FAM169A: variants seen among roughly 807,000 people sequenced by gnomAD.
FAM169A encodes the protein family with sequence similarity 169 member A, also known as soluble lamin-associated protein of 75 kDa.
A neutral mutation model predicts 75.7 loss-of-function variants in FAM169A; 24 were observed. The ratio of observed to expected loss-of-function variants is 0.32; its 90% CI spans 0.23 to 0.45. The LOEUF (loss-of-function observed/expected upper bound fraction) is 0.45. FAM169A is among the 20% of genes least tolerant of loss of function. FAM169A has a pLI of 1.00. For missense variants in FAM169A, 673 were observed against 784.0 expected (o/e 0.86, Z 1.69); for synonymous variants, 271 against 271.0 (o/e 1.00, Z 0.00).
At chr5:74,819,201 A>G (rs1223526842) in intron 5 of FAM169A, among the ~76,000 whole-genome samples, 1 of 151,942 alleles carries the variant, frequency 6.6e-6, no homozygotes, top group Non-Finnish European at 1.5e-5. Flanking sequence ...CCTGGGTGAC[A>G]GAGCAAAACT....
chr5:74,808,551 TAG>T (rs1561300165), intron 6 of FAM169A, among the ~76,000 whole-genome samples: 1 of 152,068 alleles, frequency 6.6e-6, no homozygotes, highest in Admixed American at 6.6e-5. Context: ...GCTTTGGATA[TAG>T]ACAGTGGTGA....
chr5:74,818,359 T>TG (rs1017610417), intron 5 of FAM169A, among the ~76,000 whole-genome samples: 3 of 152,054 alleles, frequency 2.0e-5, no homozygotes, highest in African/African-American at 7.2e-5. Flanking sequence ...CAAGGGACTG[T>TG]GGGGTAAAGG....
chr5:74,839,381 T>C (rs529521902), intron 3 of FAM169A, among the ~76,000 whole-genome samples: 1 of 152,008 alleles, frequency 6.6e-6, no homozygotes, highest in Non-Finnish European at 1.5e-5. Flanking sequence ...TTCATAATGT[T>C]TGACTGTTCC....
intron 1 of FAM169A, among the ~76,000 whole-genome samples, chr5:74,847,779 C>A (rs1472888928): frequency 1.3e-5 from 2 of 152,130 alleles, no homozygotes; most frequent in Non-Finnish European, 2.9e-5. Context: ...ATTCTTCATT[C>A]TCTTTTTCAA....
Position 74,783,127 on chromosome 5 carries a change from T to G in FAM169A, c.1268A>C (p.Glu423Ala). ...TATCTCACCATTCATAGGCTCTAATTCAGATTCCTACACCATGAGGAGAGA... is the reference window on the plus strand; with the variant it reads ...TATCTCACCATTCATAGGCTCTAATGCAGATTCCTACACCATGAGGAGAGA... ...QEKQDGEKESELEPMNGEIMD... is the reference protein window; with the variant it reads ...QEKQDGEKESALEPMNGEIMD... The change falls in exon 12 of 13, where the codon GAA becomes GCA. Residue 423 changes from glutamate to alanine, a missense_variant. Glu to Ala is a moderately radical substitution (Grantham distance 107). Transcript: ENST00000687041. The G allele has an allele frequency of 6.2e-7, 1 of 1,610,674 alleles. No homozygotes were observed. Among genetic ancestry groups the G allele is most frequent in the Non-Finnish European group, 8.5e-7 (1 of 1,177,538 alleles).
At chr5:74,813,320 T>C (rs1361020755) in intron 6 of FAM169A, among the ~76,000 whole-genome samples, 1 of 152,006 alleles carries the variant, frequency 6.6e-6, no homozygotes, top group East Asian at 1.9e-4. Context: ...TATGTTGTTT[T>C]GTTTGGTTTG....
intron 1 of FAM169A, among the ~76,000 whole-genome samples, chr5:74,851,185 C>G (rs960731700): frequency 6.6e-6 from 1 of 152,146 alleles, no homozygotes; most frequent in African/African-American, 2.4e-5. Context: ...AGAGAGAGGG[C>G]CCCAAGGCAG....
chr5:74,844,911 T>A (rs897535541), intron 1 of FAM169A, among the ~76,000 whole-genome samples: 1 of 152,224 alleles, frequency 6.6e-6, no homozygotes, highest in Non-Finnish European at 1.5e-5. Context: ...GAATATCTTG[T>A]TTTAAAAGTT....
chr5:74,781,418 A>G lies in FAM169A; in HGVS notation c.*42T>C. On this transcript the variant is annotated 3_prime_UTR_variant, in exon 13 of 13. Transcript: ENST00000687041. Reference sequence around the variant, plus strand: ...TTACCATATTTTAAAAACAACAACTATGTTACAAAGAAGAGGATTTATCAT... The same window carrying G: ...TTACCATATTTTAAAAACAACAACTGTGTTACAAAGAAGAGGATTTATCAT... The G allele has an allele frequency of 1.3e-6, 2 of 1,559,468 alleles. No homozygotes were observed. Among genetic ancestry groups the G allele is most frequent in the Non-Finnish European group, 1.7e-6 (2 of 1,143,316 alleles).
chr5:74,805,203 C>A lies in FAM169A; in HGVS notation c.752G>T (p.Arg251Leu). ...TTGTAATGCTCTGGTGACTGGTATT[C>A]GCTGGTACCAGTGTCCAACACCTTC... is the stretch of plus-strand genomic sequence containing the variant. ...EVEGVGHWYQRIPVTRALQRE... is the reference protein window; with the variant it reads ...EVEGVGHWYQLIPVTRALQRE... Residue 251 changes from arginine to leucine, a missense_variant, in exon 7 of 13, where the codon CGA (arginine) becomes CTA (leucine). By Grantham distance (102) the Arg-to-Leu change is moderately radical (BLOSUM62 -2). Coordinates refer to ENST00000687041, the MANE Select transcript of FAM169A (RefSeq NM_001376049.1). The A allele has an allele frequency of 6.2e-7, 1 of 1,611,460 alleles. No individual in the cohort carries two copies. The highest frequency in any genetic ancestry group is 8.5e-7 in the Non-Finnish European group (1 of 1,177,608).
intron 11 of FAM169A, among the ~76,000 whole-genome samples, chr5:74,795,108 ATTAGCTGGGT>A (rs1411559805): frequency 6.6e-6 from 1 of 151,994 alleles, no homozygotes; most frequent in Admixed American, 6.5e-5. Context: ...AAATACAAAA[ATTAGCTGGGT>A]ATGGTGGGGG....
chr5:74,830,177 A>C (rs1265373048), intron 5 of FAM169A, among the ~76,000 whole-genome samples: 1 of 152,184 alleles, frequency 6.6e-6, no homozygotes, highest in Non-Finnish European at 1.5e-5. Context: ...TCACACAACA[A>C]CATAAAAAGA....
At chr5:74,839,075 A>G in intron 3 of FAM169A, 25 bp from the exon 4 acceptor site, 1 of 1,549,956 alleles carries the variant, frequency 6.5e-7, no homozygotes, top group Non-Finnish European at 8.9e-7. Flanking sequence ...ATAATCATTA[A>G]CACTTGAGTT....
At chr5:74,839,972 T>TA in intron 3 of FAM169A, 102 bp downstream of exon 3, 2 of 586,982 alleles carry the variant, frequency 3.4e-6, no homozygotes, top group Non-Finnish European at 6.0e-6. Flanking sequence ...TTGAAACACT[T>TA]TAAAAAAAAA....
chr5:74,804,430 A>T, intron 8 of FAM169A, 63 bp downstream of exon 8: 1 of 677,100 alleles, frequency 1.5e-6, no homozygotes, highest in Non-Finnish European at 2.4e-6. Context: ...TATAACCTGT[A>T]TCTATTTTTT....
rs1745283127 is a variant in FAM169A at position 74,779,193 on chromosome 5, A to G, written c.*2267T>C. 1 of 152,174 alleles carries G rather than the reference A, an allele frequency of 6.6e-6. No individual in the cohort carries two copies. The highest frequency in any genetic ancestry group is 1.5e-5 in the Non-Finnish European group (1 of 67,982). 9.4% of individuals were successfully genotyped at this position (152,174 alleles called of 1,614,324 possible). A position where few individuals can be genotyped will look rare whatever the true frequency, so the allele number is the denominator to read the frequency against. Reference sequence around the variant, plus strand: ...AATAAGTTTATACTGTTAGCCCCCAATGGTCATATATGATTAATAAACATT... The same window carrying G: ...AATAAGTTTATACTGTTAGCCCCCAGTGGTCATATATGATTAATAAACATT... On this transcript the variant is annotated 3_prime_UTR_variant, in exon 13 of 13. Coordinates refer to ENST00000687041, the MANE Select transcript of FAM169A (RefSeq NM_001376049.1).
Position 74,857,571 on chromosome 5 carries a change from GGAAAAAA to G in FAM169A, c.-4+8587_-4+8593del, listed in dbSNP as rs1172965211. ...GGTGACAGAGCCAGACCTTGCCGCG[GGAAAAAA>G]AAAAAAAAAAAAAAAAAAAAAAAAA... On this transcript the variant is annotated intron_variant, in intron 1 of 12. Transcript: ENST00000687041. Among the ~76,000 whole-genome samples the G allele has an allele frequency of 1.4e-3, 94 of 65,720 alleles. 1 individual carries two copies. Among genetic ancestry groups the G allele is most frequent in the East Asian group, 5.1e-3 (11 of 2,172 alleles). 43.1% of individuals were successfully genotyped at this position (65,720 alleles called of 152,430 possible).
At chr5:74,856,277 G>T (rs1287633702) in intron 1 of FAM169A, among the ~76,000 whole-genome samples, 1 of 152,028 alleles carries the variant, frequency 6.6e-6, no homozygotes, top group African/African-American at 2.4e-5. Flanking sequence ...GTCTTTTGTG[G>T]TTCCATATAC....
At chr5:74,789,682 G>A (rs182437530) in intron 11 of FAM169A, among the ~76,000 whole-genome samples, 1 of 152,332 alleles carries the variant, frequency 6.6e-6, no homozygotes, top group Non-Finnish European at 1.5e-5. Context: ...GCCCCCATAG[G>A]TGAATCACAG....
Sources: gnomAD v4.1 joint callset for allele counts (sites outside exome capture counted in the v4.1 genomes callset) on GRCh38, gnomAD v4.1.1 for gene constraint, MANE v1.5 for transcripts, NCBI Gene and HGNC (gene_info 2026-07-23, HGNC 2026-07-21) for gene names.